The following FOXP1 variants were observed in gnomAD, a reference collection of about 807,000 sequenced individuals.
FOXP1 encodes forkhead box protein P1.
A neutral mutation model predicts 98.2 loss-of-function variants in FOXP1; 15 were observed. That is an observed-to-expected ratio of 0.15 (90% CI 0.10 to 0.24). FOXP1 has a LOEUF of 0.24. Ranked by LOEUF, FOXP1 falls within the 10% of genes least tolerant of loss-of-function variation. The pLI is 1.00. For synonymous variants in FOXP1, 371 were observed against 314.5 expected (o/e 1.18, Z -1.90); for missense variants, 633 against 848.5 (o/e 0.75, Z 3.15).
At chr3:71,530,722 G>A (rs560638358) in intron 2 of FOXP1, among the ~76,000 whole-genome samples, 7 of 152,214 alleles carry the variant, frequency 4.6e-5, no homozygotes, top group Admixed American at 3.9e-4. Context: ...ATGACAACAA[G>A]GTAGGTGTGA....
chr3:71,025,287 C>T (rs528452920), intron 11 of FOXP1, among the ~76,000 whole-genome samples: 3 of 151,966 alleles, frequency 2.0e-5, no homozygotes, highest in Non-Finnish European at 4.4e-5. Context: ...TAGTGCTTCT[C>T]GAACTTTATT....
chr3:71,207,117 A>C (rs1041186210), intron 5 of FOXP1, among the ~76,000 whole-genome samples: 6 of 152,198 alleles, frequency 3.9e-5, no homozygotes, highest in African/African-American at 7.2e-5. Context: ...GCATTTTTAC[A>C]GAACAAAATA....
At chr3:71,074,381 C>T in intron 7 of FOXP1, among the ~76,000 whole-genome samples, 1 of 152,154 alleles carries the variant, frequency 6.6e-6, no homozygotes, top group South Asian at 2.1e-4. Context: ...TGCCTGCCTC[C>T]ACGCCCGGCT....
rs831075 is a variant in FOXP1, at chr3:71,393,621, T to C, written c.-167-34377A>G. Among the ~76,000 whole-genome samples, 511 of 152,324 alleles carry C rather than the reference T, an allele frequency of 3.4e-3. 15 individuals carry two copies. The East Asian group carries it at 0.088, about 26-fold the overall frequency. ...GTCATATTTAAAATAATTAGCACCATTGCTAGTAAATGTTCTAATAAAACT... is the reference window on the plus strand; with the variant it reads ...GTCATATTTAAAATAATTAGCACCACTGCTAGTAAATGTTCTAATAAAACT... On this transcript the variant is annotated intron_variant, in intron 3 of 20. Transcript: ENST00000649528.
At chr3:71,067,929 T>TA (rs1325548623) in intron 7 of FOXP1, among the ~76,000 whole-genome samples, 20 of 86,966 alleles carry the variant, frequency 2.3e-4, no homozygotes, top group East Asian at 1.0e-3. Context: ...AAATAAAAAA[T>TA]AAAATAAAAA....
At chr3:71,386,741 C>A (rs1229151066) in intron 3 of FOXP1, among the ~76,000 whole-genome samples, 542 of 90,702 alleles carry the variant, frequency 6.0e-3, no homozygotes, top group Middle Eastern at 6.8e-3. Context: ...GATTCCGTCT[C>A]AAAAAAAAAA....
In FOXP1 at chr3:71,389,861, T is replaced by A. The variant is rs72957390; in HGVS notation, c.-167-30617A>T. Among the ~76,000 whole-genome samples, 513 of 137,640 alleles carry A rather than the reference T, an allele frequency of 3.7e-3. 2 individuals are homozygous for A. The highest frequency in any genetic ancestry group is 0.013 in the African/African-American group (482 of 37,422). The allele number at this position is 137,640 out of a possible 152,430, so 90.3% of individuals were successfully genotyped here. A position where few individuals can be genotyped will look rare whatever the true frequency, so the allele number is the denominator to read the frequency against. ...CTGTTAAATGTTGGCATTCTGTCTT[T>A]AAAAAAAAAAAAAAAAGTTCAAAAA... On this transcript the variant is annotated intron_variant, in intron 3 of 20. Transcript: ENST00000649528.
chr3:71,346,512 A>G (rs1019748553), intron 4 of FOXP1, among the ~76,000 whole-genome samples: 9 of 152,224 alleles, frequency 5.9e-5, no homozygotes, highest in African/African-American at 2.2e-4. Context: ...ACACAGTAAT[A>G]GTATAGTATC....
chr3:71,113,450 G>A (rs2058100791), intron 6 of FOXP1, among the ~76,000 whole-genome samples: 1 of 152,234 alleles, frequency 6.6e-6, no homozygotes, highest in Admixed American at 6.5e-5. Context: ...GTTCAAGCAG[G>A]CTGGGCGTTG....
At chr3:71,280,576 G>A (rs943454285) in intron 5 of FOXP1, among the ~76,000 whole-genome samples, 3 of 151,642 alleles carry the variant, frequency 2.0e-5, no homozygotes, top group East Asian at 1.9e-4. Context: ...CACCTGCCTC[G>A]GCCTCCCAAA....
chr3:71,554,608 G>A (rs1042714460), intron 2 of FOXP1, among the ~76,000 whole-genome samples: 1 of 152,158 alleles, frequency 6.6e-6, no homozygotes, highest in African/African-American at 2.4e-5. Context: ...TGGTATTAAT[G>A]TGAAGCTGGC....
chr3:71,281,240 TTA>T (rs201690812), intron 5 of FOXP1, among the ~76,000 whole-genome samples: 6 of 137,286 alleles, frequency 4.4e-5, no homozygotes, highest in South Asian at 2.3e-4. Flanking sequence ...GATAAAAATT[TTA>T]AAAAAAAAAA....
At chr3:71,283,833 G>T (rs529579283) in intron 5 of FOXP1, among the ~76,000 whole-genome samples, 1 of 152,242 alleles carries the variant, frequency 6.6e-6, no homozygotes, top group South Asian at 2.1e-4. Context: ...GGTGAATAAA[G>T]AAATGAATTT....
chr3:71,209,832 A>G (rs1029682925), intron 5 of FOXP1, among the ~76,000 whole-genome samples: 1 of 152,210 alleles, frequency 6.6e-6, no homozygotes, highest in Admixed American at 6.5e-5. Flanking sequence ...ATACTTTAAC[A>G]CCATTAATTT....
At chr3:71,336,132 C>T (rs1424634506) in intron 4 of FOXP1, among the ~76,000 whole-genome samples, 1 of 148,768 alleles carries the variant, frequency 6.7e-6, no homozygotes, top group Non-Finnish European at 1.5e-5. Flanking sequence ...GACAGAGGAG[C>T]GAATGCAAAG....
intron 18 of FOXP1, chr3:70,972,171 G>GA: frequency 6.6e-7 from 1 of 1,525,824 alleles, no homozygotes; most frequent in Non-Finnish European, 8.7e-7. Context: ...AGGTTGGTGC[G>GA]AATGGCACCC....
chr3:71,393,338 T>G (rs764585451), intron 3 of FOXP1, among the ~76,000 whole-genome samples: 5 of 152,088 alleles, frequency 3.3e-5, no homozygotes, highest in Non-Finnish European at 4.4e-5. Flanking sequence ...TCTCCTGGTC[T>G]TTACATGATG....
chr3:71,429,626 T>C (rs2084508963), intron 3 of FOXP1, among the ~76,000 whole-genome samples: 2 of 152,182 alleles, frequency 1.3e-5, no homozygotes, highest in Non-Finnish European at 2.9e-5. Context: ...AAGGAAATGT[T>C]AGACTGATTG....
At chr3:71,442,821 G>T (rs2086066987) in intron 3 of FOXP1, among the ~76,000 whole-genome samples, 1 of 152,104 alleles carries the variant, frequency 6.6e-6, no homozygotes, top group South Asian at 2.1e-4. Flanking sequence ...GCCCCACTTG[G>T]GACTTAATCT....
Sources: allele counts gnomAD v4.1 joint callset (sites outside exome capture counted in the v4.1 genomes callset), GRCh38; gene constraint gnomAD v4.1.1; transcripts MANE v1.5; gene names NCBI Gene and HGNC (gene_info 2026-07-23, HGNC 2026-07-21).